The following ZNF341 variants were observed in gnomAD, a reference collection of about 807,000 sequenced individuals.
ZNF341 encodes zinc finger protein 341.
Under a neutral mutation model 87.7 loss-of-function variants are expected in ZNF341, and 52 were observed. The ratio of observed to expected loss-of-function variants is 0.59; its 90% CI spans 0.47 to 0.75. The LOEUF is 0.75. Ranked by LOEUF, ZNF341 falls within the 30% of genes least tolerant of loss-of-function variation. ZNF341 has a pLI of 0.00. For missense variants in ZNF341, 977 were observed against 1,145.9 expected, an observed-to-expected ratio of 0.85 and a Z score of 2.13; for synonymous variants, 459 against 472.7, an observed-to-expected ratio of 0.97 and a Z score of 0.38.
intron 1 of ZNF341, among the ~76,000 whole-genome samples, chr20:33,740,289 A>G (rs548875376): frequency 1.3e-5 from 2 of 152,344 alleles, no homozygotes; most frequent in Non-Finnish European, 1.5e-5. Context: ...AGAGGGTCAC[A>G]TATCAGGCAG....
Position 33,732,057 on chromosome 20 carries a change from G to GCGGCGGCGGGGC in ZNF341, c.31+12_31+23dup. 2 of 1,286,496 alleles carry GCGGCGGCGGGGC rather than the reference G, an allele frequency of 1.6e-6. No homozygotes were observed. Among genetic ancestry groups the GCGGCGGCGGGGC allele is most frequent in the Non-Finnish European group, 2.0e-6 (2 of 1,011,310 alleles). 79.7% of individuals were successfully genotyped at this position (1,286,496 alleles called of 1,614,324 possible). On this transcript the variant is annotated splice_donor_region_variant and intron_variant, in intron 1 of 14. Coordinates refer to ENST00000375200, the MANE Select transcript of ZNF341 (RefSeq NM_001282933.2). The surrounding 1 kb of genome is among the most constrained non-coding windows in gnomAD (Gnocchi z 4.5). ...CGATCTTTGAGGCCCTGGAGGGTGA[G>GCGGCGGCGGGGC]CGGCGGCGGGGCCGGCGGAGGCGGC...
intron 9 of ZNF341, among the ~76,000 whole-genome samples, chr20:33,769,697 G>A (rs2019482950): frequency 6.6e-6 from 1 of 152,154 alleles, no homozygotes; most frequent in South Asian, 2.1e-4. Context: ...GATCACTTGA[G>A]GTCAGGAGTT....
At chr20:33,774,602 A>C (rs73265560) in intron 10 of ZNF341, among the ~76,000 whole-genome samples, 6,723 of 152,302 alleles carry the variant, frequency 0.044, 504 homozygotes, top group African/African-American at 0.15. Flanking sequence ...CTGTAGCGCA[A>C]TGTCCAACAA....
intron 10 of ZNF341, among the ~76,000 whole-genome samples, chr20:33,780,431 A>G (rs1162494317): frequency 6.6e-6 from 1 of 151,914 alleles, no homozygotes; most frequent in Non-Finnish European, 1.5e-5. Context: ...TTTTTGAGAC[A>G]GAGTCTCACT....
chr20:33,743,335 ATTTTTTTTTTTT>A (rs143611794), intron 2 of ZNF341, among the ~76,000 whole-genome samples: 2 of 108,092 alleles, frequency 1.9e-5, no homozygotes, highest in African/African-American at 7.9e-5. Context: ...ACCCTGCCCA[ATTTTTTTTTTTT>A]TTTTTTTTTT....
chr20:33,777,455 C>T (rs984799043), intron 10 of ZNF341, among the ~76,000 whole-genome samples: 10 of 150,810 alleles, frequency 6.6e-5, no homozygotes, highest in Non-Finnish European at 1.3e-4. Context: ...GCCAACATGG[C>T]GAAATGCCGT....
intron 5 of ZNF341, among the ~76,000 whole-genome samples, chr20:33,756,285 A>G (rs1450748950): frequency 1.3e-5 from 2 of 151,290 alleles, no homozygotes; most frequent in African/African-American, 2.4e-5. Context: ...GAAGCCTGCT[A>G]CTCTGGCATT....
At chr20:33,755,661 C>T (rs1568941760) in intron 5 of ZNF341, among the ~76,000 whole-genome samples, 3 of 147,830 alleles carry the variant, frequency 2.0e-5, no homozygotes, top group Non-Finnish European at 4.5e-5. Flanking sequence ...GGCATGATCA[C>T]GGCTCACCAC....
chr20:33,764,731 T>C (rs1300873633), intron 8 of ZNF341, among the ~76,000 whole-genome samples: 1 of 151,282 alleles, frequency 6.6e-6, no homozygotes, highest in Non-Finnish European at 1.5e-5. Flanking sequence ...ATATACTTTA[T>C]ATTCTTTTTT....
chr20:33,777,196 G>A (rs2019644924), intron 10 of ZNF341, among the ~76,000 whole-genome samples: 2 of 147,242 alleles, frequency 1.4e-5, no homozygotes, highest in Admixed American at 1.4e-4. Flanking sequence ...GGTAGCATAT[G>A]CCTGTGGTCT....
intron 9 of ZNF341, among the ~76,000 whole-genome samples, chr20:33,767,681 T>C (rs1157415119): frequency 6.6e-6 from 1 of 152,220 alleles, no homozygotes; most frequent in Non-Finnish European, 1.5e-5. Context: ...AGAAGCACTT[T>C]GTAGATCTCT....
intron 10 of ZNF341, among the ~76,000 whole-genome samples, chr20:33,780,556 C>T (rs778379510): frequency 3.9e-5 from 6 of 151,922 alleles, no homozygotes; most frequent in Admixed American, 1.3e-4. Context: ...TACAGGTCCA[C>T]GCTACCACGC....
At chr20:33,752,830 T>G (rs929207447) in intron 4 of ZNF341, among the ~76,000 whole-genome samples, 2 of 151,972 alleles carry the variant, frequency 1.3e-5, no homozygotes, top group African/African-American at 4.8e-5. Context: ...TTTTTGTATT[T>G]TTAGTAGAGA....
rs2018649896 is a variant in ZNF341 at position 33,735,035 on chromosome 20, A to G, written c.31+2983A>G. 2.6e-5 allele frequency among the ~76,000 whole-genome samples: 4 copies of G among 151,258 alleles called. No homozygotes were observed. In the East Asian group the frequency reaches 7.9e-4, roughly 30 times the overall value. Reference sequence around the variant, plus strand: ...CTGCCTTTTTAATTTAATTTAACTTAATTTTTTATTTTTTTGTGACACTCT... The same window carrying G: ...CTGCCTTTTTAATTTAATTTAACTTGATTTTTTATTTTTTTGTGACACTCT... On this transcript the variant is annotated intron_variant, in intron 1 of 14. Transcript: ENST00000375200.
At chr20:33,743,419 AACCTCC>A (rs1218415772) in intron 2 of ZNF341, among the ~76,000 whole-genome samples, 183 of 143,222 alleles carry the variant, frequency 1.3e-3, no homozygotes, top group Non-Finnish European at 2.1e-3. Flanking sequence ...CGCTCACTGC[AACCTCC>A]ACCTCCTGGG....
rs1280568100 is a variant in ZNF341, at chr20:33,789,380, G to T, written c.1965-138G>T. The T allele has an allele frequency of 9.7e-6, 8 of 821,930 alleles. No individual in the cohort carries two copies. The African/African-American group carries it at 1.3e-4, about 14-fold the overall frequency. The allele number at this position is 821,930 out of a possible 1,614,324, so 50.9% of individuals were successfully genotyped here. On this transcript the variant is annotated intron_variant, in intron 13 of 14. Coordinates refer to ENST00000375200, the MANE Select transcript of ZNF341 (RefSeq NM_001282933.2). ...TTTTATCCTGTCCTGGGCCCTGCCT[G>T]CCTCACTTCCCACCCTACCTCCTTG...
At chr20:33,777,129 C>T (rs1268903818) in intron 10 of ZNF341, among the ~76,000 whole-genome samples, 20 of 125,650 alleles carry the variant, frequency 1.6e-4, no homozygotes, top group African/African-American at 5.4e-4. Flanking sequence ...ACCTGGACTA[C>T]GTGGCAAAAC....
Position 33,740,929 on chromosome 20 carries a change from T to C in ZNF341, c.59T>C (p.Val20Ala). Residue 20 changes from valine to alanine, a missense_variant, in exon 2 of 15, where the codon GTC (valine) becomes GCC (alanine). This residue lies in a region of ZNF341 where 515 missense variants were observed against 598.2 expected (regional missense o/e 0.86). Transcript: ENST00000375200. ...EGMDNQTVLA[V>A]QSLLDGQGAV... ...ATGGACAATCAGACCGTTCTGGCTG[T>C]CCAGTCATTATTGGATGGCCAAGGA... 1.1e-5 allele frequency: 17 copies of C among 1,614,200 alleles called. No homozygotes were observed. Among genetic ancestry groups the C allele is most frequent in the Non-Finnish European group, 1.4e-5 (17 of 1,180,044 alleles).
intron 10 of ZNF341, among the ~76,000 whole-genome samples, chr20:33,777,750 A>G (rs1188322017): frequency 1.3e-5 from 2 of 152,124 alleles, no homozygotes; most frequent in African/African-American, 4.8e-5. Context: ...TGCTTTAGAG[A>G]AAAAGAAAAA....
Sources: gnomAD v4.1 joint callset for allele counts (sites outside exome capture counted in the v4.1 genomes callset) on GRCh38, gnomAD v4.1.1 for gene constraint, gnomAD v4.1.1 regional missense constraint, Gnocchi (gnomAD v3.1) non-coding constraint, MANE v1.5 for transcripts, NCBI Gene and HGNC (gene_info 2026-07-23, HGNC 2026-07-21) for gene names.